TMEM229B: variants seen among roughly 807,000 people sequenced by gnomAD.
The protein encoded by TMEM229B is transmembrane protein 229B, also known as chromosome 14 open reading frame 83.
TMEM229B carries 6 observed loss-of-function variants against 13.7 expected under a neutral mutation model. That is an observed-to-expected ratio of 0.44 (90% CI 0.24 to 0.86). The LOEUF (loss-of-function observed/expected upper bound fraction) is 0.86, where lower values mean the gene tolerates loss of function less well. Ranked by LOEUF, TMEM229B falls within the 40% of genes least tolerant of loss-of-function variation. TMEM229B has a pLI of 0.23. For missense variants in TMEM229B, 170 were observed against 236.0 expected, an observed-to-expected ratio of 0.72 and a Z score of 1.83; for synonymous variants, 107 against 102.1, an observed-to-expected ratio of 1.05 and a Z score of -0.29.
intron 1 of TMEM229B, among the ~76,000 whole-genome samples, chr14:67,508,135 C>CAAAAAAAAAAAAAAAAAAAAAAA (rs34715322): frequency 2.4e-4 from 31 of 130,598 alleles, no homozygotes; most frequent in African/African-American, 8.7e-4. Context: ...AACTCCATCT[C>CAAAAAAAAAAAAAAAAAAAAAAA]AAAAAAAAAA....
In TMEM229B at chr14:67,471,167, C is replaced by T. The variant is rs1011498883; in HGVS notation, c.*2253G>A. On this transcript the variant is annotated 3_prime_UTR_variant, in exon 3 of 3. Transcript: ENST00000554480. ...AGGCATACCCCCAGGACCTCCTGCA[C>T]TTGGGAAAGTATAGGACCCAGAGAG... 2.6e-5 allele frequency: 4 copies of T among 152,238 alleles called. No individual in the cohort carries two copies. Among genetic ancestry groups the T allele is most frequent in the Non-Finnish European group, 5.9e-5 (4 of 68,070 alleles). 9.4% of individuals were successfully genotyped at this position (152,238 alleles called of 1,614,324 possible). A position where few individuals can be genotyped will look rare whatever the true frequency, so the allele number is the denominator to read the frequency against.
intron 1 of TMEM229B, among the ~76,000 whole-genome samples, chr14:67,509,854 A>C (rs931102831): frequency 6.6e-6 from 1 of 152,108 alleles, no homozygotes; most frequent in Non-Finnish European, 1.5e-5. Flanking sequence ...GTCTCCATAT[A>C]AACAATTTTA....
rs191240931 is a variant in TMEM229B at position 67,523,466 on chromosome 14, T to A, written c.-192+10170A>T. Among the ~76,000 whole-genome samples the A allele has an allele frequency of 2.4e-3, 372 of 152,350 alleles. 1 individual carries two copies. Among genetic ancestry groups the A allele is most frequent in the South Asian group, 7.5e-3 (36 of 4,826 alleles). On this transcript the variant is annotated intron_variant, in intron 1 of 2. Coordinates refer to the TMEM229B transcript ENST00000554278. ...GTGCTAAGGATTATACAGGTAGGGT[T>A]ATACAGGTAGCAAAGAATGAAACCT...
At chr14:67,521,844 G>A (rs1272051597) in intron 1 of TMEM229B, among the ~76,000 whole-genome samples, 2 of 152,210 alleles carry the variant, frequency 1.3e-5, no homozygotes, top group Non-Finnish European at 2.9e-5. Flanking sequence ...GGGTTTAACT[G>A]TGATCGTAAG....
At chr14:67,496,678 T>C (rs942689681) in intron 1 of TMEM229B, among the ~76,000 whole-genome samples, 2 of 146,418 alleles carry the variant, frequency 1.4e-5, no homozygotes, top group Admixed American at 1.4e-4. Context: ...TTTCCTTCCT[T>C]CCTCCCTCCT....
chr14:67,471,802 G>A lies in TMEM229B; in HGVS notation c.*1618C>T, dbSNP rs181117592. 4 of 152,522 alleles carry A rather than the reference G, an allele frequency of 2.6e-5. No homozygotes were observed. Among genetic ancestry groups the A allele is most frequent in the African/African-American group, 9.6e-5 (4 of 41,562 alleles). The allele number at this position is 152,522 out of a possible 1,614,324, so 9.4% of individuals were successfully genotyped here. On this transcript the variant is annotated 3_prime_UTR_variant, in exon 3 of 3. Transcript: ENST00000554480. ...CACAGTATGGGCAGGGCAGCCAGCAGGGAAGAGGACATTCTCTCCACAGGT... is the reference window on the plus strand; with the variant it reads ...CACAGTATGGGCAGGGCAGCCAGCAAGGAAGAGGACATTCTCTCCACAGGT...
At chr14:67,478,257 G>A (rs1161356513) in intron 2 of TMEM229B, among the ~76,000 whole-genome samples, 1 of 152,200 alleles carries the variant, frequency 6.6e-6, no homozygotes, top group African/African-American at 2.4e-5. Flanking sequence ...AGCTGTACAA[G>A]TGTGGTTCAA....
intron 1 of TMEM229B, among the ~76,000 whole-genome samples, chr14:67,504,009 T>TA (rs774064249): frequency 4.3e-5 from 6 of 140,854 alleles, no homozygotes; most frequent in Non-Finnish European, 7.7e-5. Context: ...GCCTATTTTT[T>TA]AATTTTTATT....
intron 1 of TMEM229B, among the ~76,000 whole-genome samples, chr14:67,522,920 G>A (rs1268207710): frequency 6.6e-6 from 1 of 152,216 alleles, no homozygotes; most frequent in African/African-American, 2.4e-5. Flanking sequence ...ACTCTATCTT[G>A]TCCGGGGAAT....
intron 1 of TMEM229B, among the ~76,000 whole-genome samples, chr14:67,500,860 C>T (rs931881717): frequency 2.6e-5 from 4 of 151,776 alleles, no homozygotes; most frequent in African/African-American, 7.3e-5. Context: ...CATGAGCCAC[C>T]GCGCCTGGCC....
At chr14:67,506,052 G>A (rs1049826654) in intron 1 of TMEM229B, among the ~76,000 whole-genome samples, 5 of 152,168 alleles carry the variant, frequency 3.3e-5, no homozygotes, top group Admixed American at 1.3e-4. Context: ...GCAATTGGGA[G>A]GGTAAGGAGA....
At chr14:67,506,302 C>G (rs1261898051) in intron 1 of TMEM229B, among the ~76,000 whole-genome samples, 2 of 152,178 alleles carry the variant, frequency 1.3e-5, no homozygotes, top group African/African-American at 2.4e-5. Flanking sequence ...TATGAATAAC[C>G]AGAAAAGTTA....
At chr14:67,477,182 A>G (rs1310831235) in intron 2 of TMEM229B, among the ~76,000 whole-genome samples, 2 of 146,358 alleles carry the variant, frequency 1.4e-5, no homozygotes, top group Non-Finnish European at 3.0e-5. Flanking sequence ...AAAAAAAAAA[A>G]TGTTCGATAT....
upstream of TMEM229B, chr14:67,515,599 G>A (rs914487396): frequency 6.4e-4 from 97 of 152,662 alleles, no homozygotes; most frequent in Middle Eastern, 6.8e-3. Flanking sequence ...GCCCCGCCAC[G>A]GGCGCCTAGG....
intron 1 of TMEM229B, among the ~76,000 whole-genome samples, chr14:67,512,171 C>T (rs1487867751): frequency 6.6e-6 from 1 of 152,180 alleles, no homozygotes; most frequent in East Asian, 1.9e-4. Flanking sequence ...CCAACACATG[C>T]ATTCTCACAC....
intron 1 of TMEM229B, among the ~76,000 whole-genome samples, chr14:67,493,843 G>A (rs1243120061): frequency 6.6e-6 from 1 of 151,912 alleles, no homozygotes; most frequent in Admixed American, 6.6e-5. Context: ...AAATTGACAG[G>A]GTAAGGCCAG....
At chr14:67,533,021 C>G (rs2033516854) in intron 1 of TMEM229B, among the ~76,000 whole-genome samples, 1 of 152,060 alleles carries the variant, frequency 6.6e-6, no homozygotes, top group Non-Finnish European at 1.5e-5. Flanking sequence ...GCCCCAGGGA[C>G]GAGCCCAGCG....
upstream of TMEM229B, among the ~76,000 whole-genome samples, chr14:67,518,197 G>A (rs986649354): frequency 2.0e-5 from 3 of 152,160 alleles, no homozygotes; most frequent in Admixed American, 6.5e-5. Context: ...CTTTGCCTTC[G>A]TGTCTTGTCA....
At chr14:67,529,378 G>A (rs1403532497) in intron 1 of TMEM229B, among the ~76,000 whole-genome samples, 4 of 152,162 alleles carry the variant, frequency 2.6e-5, no homozygotes, top group East Asian at 1.9e-4. Context: ...TAAAGCCTGT[G>A]CCCAGAGTTG....
Sources: gnomAD v4.1 joint callset for allele counts (sites outside exome capture counted in the v4.1 genomes callset) on GRCh38, gnomAD v4.1.1 for gene constraint, MANE v1.5 for transcripts, NCBI Gene and HGNC (gene_info 2026-07-23, HGNC 2026-07-21) for gene names.